Variants in UBAC2 observed in about 807,000 individuals in gnomAD.
UBAC2 encodes ubiquitin-associated domain-containing protein 2.
Under a neutral mutation model 44.0 loss-of-function variants are expected in UBAC2, and 26 were observed. The observed-to-expected ratio is 0.59, with a 90% CI of 0.43 to 0.82. The LOEUF is 0.82. UBAC2 is among the 40% of genes least tolerant of loss of function. The probability of loss-of-function intolerance (pLI) is 0.00; values close to 1 mark genes in which losing one functional copy is unlikely to be tolerated. For synonymous variants in UBAC2, 155 were observed against 154.3 expected (o/e 1.00, Z -0.04); for missense variants, 329 against 419.4 (o/e 0.78, Z 1.88).
At chr13:99,320,037 A>G (rs147160440) in intron 6 of UBAC2, among the ~76,000 whole-genome samples, 1,610 of 152,334 alleles carry the variant, frequency 0.011, 24 homozygotes, top group South Asian at 0.067. Flanking sequence ...GTTAGTTACT[A>G]TTAATTCTTT....
At chr13:99,355,370 C>T (rs1184043493) in intron 7 of UBAC2, among the ~76,000 whole-genome samples, 1 of 152,320 alleles carries the variant, frequency 6.6e-6, no homozygotes, top group Non-Finnish European at 1.5e-5. Context: ...GCCACTGTCT[C>T]AGTCCTCGCT....
intron 1 of UBAC2, among the ~76,000 whole-genome samples, chr13:99,212,732 G>A (rs973387630): frequency 6.6e-6 from 1 of 151,976 alleles, no homozygotes; most frequent in African/African-American, 2.4e-5. Context: ...TATTGCTCTT[G>A]TATAAATTTT....
At chr13:99,237,514 T>C (rs1199114028) in intron 1 of UBAC2, among the ~76,000 whole-genome samples, 2 of 151,796 alleles carry the variant, frequency 1.3e-5, no homozygotes, top group Non-Finnish European at 2.9e-5. Context: ...TAAAAAGAGG[T>C]TGATTAATGG....
chr13:99,302,644 G>A (rs1401743760), intron 4 of UBAC2, among the ~76,000 whole-genome samples: 1 of 152,176 alleles, frequency 6.6e-6, no homozygotes, highest in Non-Finnish European at 1.5e-5. Flanking sequence ...CATCATCTGA[G>A]GGATTATGGG....
At chr13:99,285,927 A>T (rs1279956620) in intron 4 of UBAC2, among the ~76,000 whole-genome samples, 1 of 151,814 alleles carries the variant, frequency 6.6e-6, no homozygotes, top group Non-Finnish European at 1.5e-5. Flanking sequence ...TCACAGTTCA[A>T]CTCCCTGAAA....
chr13:99,279,130 T>A (rs1293458836), intron 4 of UBAC2, among the ~76,000 whole-genome samples: 1 of 152,138 alleles, frequency 6.6e-6, no homozygotes, highest in East Asian at 1.9e-4. Flanking sequence ...CCACCTCTTT[T>A]CTCCTTTTCC....
intron 1 of UBAC2, among the ~76,000 whole-genome samples, chr13:99,237,278 A>G (rs1018698503): frequency 5.3e-5 from 8 of 151,114 alleles, no homozygotes; most frequent in African/African-American, 2.0e-4. Flanking sequence ...ATATACACAC[A>G]CACACACACA....
intron 7 of UBAC2, among the ~76,000 whole-genome samples, chr13:99,347,335 A>G (rs77602421): frequency 3.8e-4 from 3 of 7,856 alleles, no homozygotes; most frequent in Non-Finnish European, 9.7e-4. Context: ...CCCCCCCCCC[A>G]GGAAAAAAAA....
chr13:99,225,184 C>G, intron 1 of UBAC2, among the ~76,000 whole-genome samples: 1 of 152,118 alleles, frequency 6.6e-6, no homozygotes, highest in East Asian at 1.9e-4. Flanking sequence ...ACAATCTTAA[C>G]TATTTTTGTG....
At chr13:99,267,366 T>A (rs969489901) in intron 4 of UBAC2, among the ~76,000 whole-genome samples, 1 of 152,168 alleles carries the variant, frequency 6.6e-6, no homozygotes, top group East Asian at 1.9e-4. Context: ...TGGAGCATAT[T>A]TTAGGCTTGC....
rs1426590786 is a variant in UBAC2 at position 99,234,200 on chromosome 13, T to TG, written c.32-4226dup. ...TTTTTTTTTTTTTTTTTTTTTTTTT[T>TG]GAGATGGAGTCTCACTCTGTCGCCC... On this transcript the variant is annotated intron_variant, in intron 1 of 8. Coordinates refer to ENST00000403766, the MANE Select transcript of UBAC2 (RefSeq NM_001144072.2). 7.4e-5 allele frequency among the ~76,000 whole-genome samples: 7 copies of TG among 94,658 alleles called. No homozygotes were observed. In the East Asian group the frequency reaches 1.5e-3, roughly 21 times the overall value. 62.1% of individuals were successfully genotyped at this position (94,658 alleles called of 152,430 possible).
chr13:99,330,961 TAGA>T (rs1763683449), intron 6 of UBAC2, among the ~76,000 whole-genome samples: 1 of 152,232 alleles, frequency 6.6e-6, no homozygotes. Flanking sequence ...AAATGGATAT[TAGA>T]AGGTGTTTGT....
chr13:99,200,878 C>G lies in UBAC2; in HGVS notation c.-31C>G, dbSNP rs2042785049. ...CGCACTTCAGCTTCCCCTCCCCCGG[C>G]GCCCTCTGGGGCTCCGAGCCCGGCG... On this transcript the variant is annotated 5_prime_UTR_variant, in exon 1 of 9. Coordinates refer to ENST00000403766, the MANE Select transcript of UBAC2 (RefSeq NM_001144072.2). The G allele has an allele frequency of 3.9e-6, 5 of 1,297,596 alleles. No individual in the cohort carries two copies. The highest frequency in any genetic ancestry group is 2.7e-5 in the South Asian group (1 of 36,696). 80.4% of individuals were successfully genotyped at this position (1,297,596 alleles called of 1,614,324 possible).
intron 2 of UBAC2, among the ~76,000 whole-genome samples, chr13:99,241,942 A>C (rs1395856060): frequency 6.7e-6 from 1 of 150,298 alleles, no homozygotes; most frequent in African/African-American, 2.5e-5. Flanking sequence ...GATGACTCTT[A>C]AGGAGCATGC....
rs765104174 is a variant in UBAC2, at chr13:99,368,688, A to AGAGTGTGT, written c.927+783_927+784insAGTGTGTG. Among the ~76,000 whole-genome samples, 231 of 146,700 alleles carry AGAGTGTGT rather than the reference A, an allele frequency of 1.6e-3. 1 individual carries two copies. The highest frequency in any genetic ancestry group is 2.7e-3 in the African/African-American group (107 of 39,436). On this transcript the variant is annotated intron_variant, in intron 8 of 8. Coordinates refer to ENST00000403766, the MANE Select transcript of UBAC2 (RefSeq NM_001144072.2). ...CACTATCATCGTAAACTCATGAGAG[A>AGAGTGTGT]GTGTGTGTGTGTGTGTGTGTGTGTG...
intron 7 of UBAC2, among the ~76,000 whole-genome samples, chr13:99,350,072 A>G (rs1217663172): frequency 1.3e-5 from 2 of 152,160 alleles, no homozygotes; most frequent in Non-Finnish European, 2.9e-5. Flanking sequence ...ACCTGACCCT[A>G]TGCCCGCCGG....
chr13:99,236,105 C>T (rs907667348), intron 1 of UBAC2, among the ~76,000 whole-genome samples: 1 of 152,158 alleles, frequency 6.6e-6, no homozygotes, highest in African/African-American at 2.4e-5. Context: ...AAACTACTAG[C>T]AGAAAATGTT....
intron 1 of UBAC2, among the ~76,000 whole-genome samples, chr13:99,214,222 T>G (rs2042965982): frequency 2.7e-5 from 4 of 148,248 alleles, no homozygotes; most frequent in Non-Finnish European, 5.9e-5. Context: ...ATCTTTGGTT[T>G]GTTTTTTTTT....
In UBAC2 at chr13:99,340,481, C is replaced by A; in HGVS notation, c.723C>A (p.Ile241=). The change falls in exon 7 of 9, where the codon ATC becomes ATA. Residue 241 remains isoleucine, a synonymous_variant. Transcript: ENST00000403766. The part of the protein sequence containing the change: ...ARIGMGATLD[I]QRQQRMELLD... ...TTGGGATGGGAGCCACGCTGGACATCCAGAGACAGCAGAGAATGGAGCTGC... is the reference window on the plus strand; with the variant it reads ...TTGGGATGGGAGCCACGCTGGACATACAGAGACAGCAGAGAATGGAGCTGC... The A allele has an allele frequency of 6.2e-7, 1 of 1,614,198 alleles. No individual in the cohort carries two copies. Among genetic ancestry groups the A allele is most frequent in the Non-Finnish European group, 8.5e-7 (1 of 1,180,048 alleles).
Sources: allele counts gnomAD v4.1 joint callset (sites outside exome capture counted in the v4.1 genomes callset), GRCh38; gene constraint gnomAD v4.1.1; transcripts MANE v1.5; gene names NCBI Gene and HGNC (gene_info 2026-07-23, HGNC 2026-07-21).